The following CSMD1 variants were observed in gnomAD, a reference collection of about 807,000 sequenced individuals.
The protein encoded by CSMD1 is CUB and Sushi multiple domains 1, also known as CUB and sushi domain-containing protein 1.
A neutral mutation model predicts 417.5 loss-of-function variants in CSMD1; 213 were observed. The ratio of observed to expected loss-of-function variants is 0.51; its 90% CI spans 0.46 to 0.57. The LOEUF is 0.57. Ranked by LOEUF, CSMD1 falls within the 20% of genes least tolerant of loss-of-function variation. The probability of loss-of-function intolerance (pLI) is 0.00; values close to 1 mark genes in which losing one functional copy is unlikely to be tolerated. For missense variants in CSMD1, 6,923 were observed against 4,529.7 expected (o/e 1.53, Z -15.17); for synonymous variants, 2,862 against 1,736.8 (o/e 1.65, Z -16.11).
intron 1 of CSMD1, among the ~76,000 whole-genome samples, chr8:4,831,500 G>A (rs145145724): frequency 7.9e-4 from 121 of 152,256 alleles, no homozygotes; most frequent in African/African-American, 2.8e-3. Context: ...TCAAGATGCT[G>A]CTCATTGCAT....
intron 5 of CSMD1, among the ~76,000 whole-genome samples, chr8:3,848,840 T>C (rs534638110): frequency 5.8e-4 from 88 of 152,152 alleles, no homozygotes; most frequent in Admixed American, 1.3e-3. Flanking sequence ...TATGAAAGGA[T>C]GTTTATAAAG....
rs1797031835 is a variant in CSMD1, at chr8:3,510,782, T to C, written c.1345-17056A>G. Among the ~76,000 whole-genome samples the C allele has an allele frequency of 2.0e-5, 3 of 151,906 alleles. 1 individual carries two copies. Among genetic ancestry groups the C allele is most frequent in the African/African-American group, 4.9e-5 (2 of 41,146 alleles). ...CAGTGAGGATGAGCTTTTTTGCCTA[T>C]GTTTATTAGCCGCATAAATGTCTTC... On this transcript the variant is annotated intron_variant, in intron 10 of 69. Transcript: ENST00000635120.
At chr8:4,246,142 A>G (rs538041951) in intron 3 of CSMD1, among the ~76,000 whole-genome samples, 4 of 152,210 alleles carry the variant, frequency 2.6e-5, no homozygotes, top group African/African-American at 9.6e-5. Context: ...TAAGCCTAGT[A>G]CCCATTATTT....
chr8:3,881,696 A>C (rs1806218226), intron 5 of CSMD1, among the ~76,000 whole-genome samples: 1 of 152,110 alleles, frequency 6.6e-6, no homozygotes, highest in Non-Finnish European at 1.5e-5. Context: ...TTTGGAAAAA[A>C]AGAGAAAAGC....
chr8:4,041,022 T>C (rs867679832), intron 3 of CSMD1, among the ~76,000 whole-genome samples: 18,268 of 138,612 alleles, frequency 0.13, 1,721 homozygotes, highest in East Asian at 0.36. Flanking sequence ...TTTTCCTTTT[T>C]TTTTTTTTTT....
intron 7 of CSMD1, among the ~76,000 whole-genome samples, chr8:3,704,233 C>T (rs1348544359): frequency 2.0e-5 from 3 of 152,028 alleles, no homozygotes; most frequent in African/African-American, 7.3e-5. Context: ...AATAGAGCAG[C>T]CTGGGAAAAG....
At chr8:3,319,670 G>C (rs899663570) in intron 23 of CSMD1, among the ~76,000 whole-genome samples, 2 of 151,944 alleles carry the variant, frequency 1.3e-5, no homozygotes, top group African/African-American at 2.4e-5. Context: ...AGAATTCTCA[G>C]ATTATTTGTT....
chr8:3,484,243 C>T (rs1001773252), intron 11 of CSMD1, among the ~76,000 whole-genome samples: 27 of 152,192 alleles, frequency 1.8e-4, no homozygotes, highest in African/African-American at 6.5e-4. Context: ...AGACACACAT[C>T]AGTGTAACAG....
chr8:3,995,266 C>T (rs1385153171), intron 5 of CSMD1, among the ~76,000 whole-genome samples: 1 of 152,180 alleles, frequency 6.6e-6, no homozygotes. Flanking sequence ...TGCTTTTCAG[C>T]CTCCACTGAA....
At chr8:3,043,528 T>C (rs760614767) in intron 50 of CSMD1, among the ~76,000 whole-genome samples, 20 of 152,154 alleles carry the variant, frequency 1.3e-4, no homozygotes, top group Non-Finnish European at 2.8e-4. Flanking sequence ...CATTTAATCA[T>C]GTAAAGTCCT....
At chr8:3,963,114 T>C (rs1018716357) in intron 5 of CSMD1, among the ~76,000 whole-genome samples, 2 of 152,134 alleles carry the variant, frequency 1.3e-5, no homozygotes, top group African/African-American at 4.8e-5. Flanking sequence ...TGTTTTTTAG[T>C]AGAGACGGGG....
At chr8:3,385,780 A>C (rs1401053260) in intron 18 of CSMD1, among the ~76,000 whole-genome samples, 1 of 152,280 alleles carries the variant, frequency 6.6e-6, no homozygotes, top group East Asian at 1.9e-4. Flanking sequence ...AAACTTAGGC[A>C]TAACTACTGT....
rs118074924 is a variant in CSMD1, at chr8:4,128,583, A to G, written c.416-96484T>C. On this transcript the variant is annotated intron_variant, in intron 3 of 69. Coordinates refer to ENST00000635120, the MANE Select transcript of CSMD1 (RefSeq NM_033225.6). The stretch of plus-strand genomic sequence containing the variant: ...TCTCATCTCTTTTAGCTTATCTCCA[A>G]ACCTTCAAAGACCATTGTTACAAAG... 3.3e-5 allele frequency among the ~76,000 whole-genome samples: 5 copies of G among 152,256 alleles called. No individual in the cohort carries two copies. The East Asian group carries it at 9.7e-4, about 29-fold the overall frequency.
chr8:4,317,547 A>G (rs960314260), intron 3 of CSMD1, among the ~76,000 whole-genome samples: 1 of 152,148 alleles, frequency 6.6e-6, no homozygotes, highest in African/African-American at 2.4e-5. Context: ...TTTTCCAGAG[A>G]TAGATTTAAA....
intron 3 of CSMD1, among the ~76,000 whole-genome samples, chr8:4,192,278 T>C (rs764191472): frequency 1.1e-4 from 16 of 152,206 alleles, no homozygotes; most frequent in Non-Finnish European, 2.1e-4. Flanking sequence ...GTCTAGATAA[T>C]AATTTTAATA....
At chr8:4,388,939 T>A (rs1803654778) in intron 3 of CSMD1, among the ~76,000 whole-genome samples, 1 of 152,196 alleles carries the variant, frequency 6.6e-6, no homozygotes, top group Non-Finnish European at 1.5e-5. Flanking sequence ...TTTGAAAACC[T>A]GTTGCCATCT....
intron 3 of CSMD1, among the ~76,000 whole-genome samples, chr8:4,169,135 G>C (rs771747678): frequency 6.6e-6 from 1 of 152,148 alleles, no homozygotes; most frequent in African/African-American, 2.4e-5. Context: ...CTCACTGGTG[G>C]TGATGCCCAG....
chr8:4,324,563 A>G (rs17413763), intron 3 of CSMD1, among the ~76,000 whole-genome samples: 34,569 of 152,104 alleles, frequency 0.23, 5,057 homozygotes, highest in East Asian at 0.62. Context: ...GCCAGGGAAT[A>G]ATTTCAAAGG....
intron 1 of CSMD1, among the ~76,000 whole-genome samples, chr8:4,799,254 C>T (rs1798150016): frequency 6.6e-6 from 1 of 152,096 alleles, no homozygotes; most frequent in Non-Finnish European, 1.5e-5. Flanking sequence ...ACCGATGTAG[C>T]TCACCAGTTC....
Sources: allele counts gnomAD v4.1 joint callset (sites outside exome capture counted in the v4.1 genomes callset), GRCh38; gene constraint gnomAD v4.1.1; transcripts MANE v1.5; gene names NCBI Gene and HGNC (gene_info 2026-07-23, HGNC 2026-07-21).